Variants in PPP2R2C observed in about 807,000 individuals in gnomAD.
PPP2R2C encodes the protein protein phosphatase 2, regulatory subunit B, gamma.
A neutral mutation model predicts 45.3 loss-of-function variants in PPP2R2C; 10 were observed. The ratio of observed to expected loss-of-function variants is 0.22; its 90% CI spans 0.14 to 0.37. PPP2R2C has a LOEUF of 0.37. Among genes scored for constraint, PPP2R2C ranks in the 10% least tolerant of loss-of-function variants. PPP2R2C has a pLI of 1.00. For synonymous variants in PPP2R2C, 257 were observed against 245.4 expected, an observed-to-expected ratio of 1.05 and a Z score of -0.44; for missense variants, 308 against 619.7, an observed-to-expected ratio of 0.50 and a Z score of 5.34.
chr4:6,515,559 A>G (rs4234754), intron 2 of PPP2R2C, among the ~76,000 whole-genome samples: 143,574 of 152,290 alleles, frequency 0.94, 68,268 homozygotes, highest in East Asian at 1. Flanking sequence ...AAGAGCTGTC[A>G]TGCAGACTAA....
rs752144231 is a variant in PPP2R2C, at chr4:6,329,110, T to C, written c.1052+152A>G. The C allele has an allele frequency of 1.5e-6, 1 of 672,736 alleles. No individual in the cohort carries two copies. Among genetic ancestry groups the C allele is most frequent in the Non-Finnish European group, 2.6e-6 (1 of 383,844 alleles). The allele number at this position is 672,736 out of a possible 1,614,324, so 41.7% of individuals were successfully genotyped here. On this transcript the variant is annotated intron_variant, in intron 8 of 8. Transcript: ENST00000382599. The surrounding 1 kb of genome is among the most constrained non-coding windows in gnomAD (Gnocchi z 5.8). ...GAATCTGAGCGCTGAGAGTTGGACC[T>C]GCTCTGGAAAGCGTGGGCTTCACCC...
rs780708220 is a variant in PPP2R2C, at chr4:6,382,438, C to T, written c.71-1344G>A. On this transcript the variant is annotated intron_variant, in intron 1 of 8. Transcript: ENST00000382599. ...GTCCCAGCCTCTGTTCTCCCTCTGG[C>T]GGCCAACGTGATGACCAAACTCCTG... 2.1e-5 allele frequency: 29 copies of T among 1,351,922 alleles called. No individual in the cohort carries two copies. The East Asian group carries it at 2.7e-4, about 13-fold the overall frequency. The allele number at this position is 1,351,922 out of a possible 1,614,324, so 83.7% of individuals were successfully genotyped here. A position where few individuals can be genotyped will look rare whatever the true frequency, so the allele number is the denominator to read the frequency against.
Position 6,345,601 on chromosome 4 carries a change from A to G in PPP2R2C, c.790+2245T>C, listed in dbSNP as rs1303836491. ...GGGCTGGGAGGATGGGGGAGGGGCC[A>G]CGTGCCAGGGAACGCAGCGCCTCTA... On this transcript the variant is annotated intron_variant, in intron 6 of 8. Coordinates refer to ENST00000382599, the MANE Select transcript of PPP2R2C (RefSeq NM_020416.4). This position sits in a 1 kb window ranked among gnomAD's most constrained non-coding sequence, Gnocchi z 5.3. Among the ~76,000 whole-genome samples the G allele has an allele frequency of 1.3e-5, 2 of 152,132 alleles. No individual in the cohort carries two copies. Among genetic ancestry groups the G allele is most frequent in the African/African-American group, 2.4e-5 (1 of 41,438 alleles).
At chr4:6,446,656 C>T (rs1720434800) in intron 1 of PPP2R2C, among the ~76,000 whole-genome samples, 1 of 152,060 alleles carries the variant, frequency 6.6e-6, no homozygotes, top group African/African-American at 2.4e-5. Context: ...CTCCGAGTTC[C>T]CTGCCTCCAA....
rs1391971630 is a variant in PPP2R2C at position 6,330,787 on chromosome 4, G to A, written c.961-1434C>T. On this transcript the variant is annotated intron_variant, in intron 7 of 8. Coordinates refer to ENST00000382599, the MANE Select transcript of PPP2R2C (RefSeq NM_020416.4). The surrounding 1 kb of genome is among the most constrained non-coding windows in gnomAD (Gnocchi z 7.0). ...GAGTGGCACTAGGGGAAGCAGGATT[G>A]GGAGGAAGGGCCTGCTATTCACTGC... Among the ~76,000 whole-genome samples the A allele has an allele frequency of 6.6e-6, 1 of 152,150 alleles. No homozygotes were observed. The highest frequency in any genetic ancestry group is 1.5e-5 in the Non-Finnish European group (1 of 68,020).
At chr4:6,346,150 C>T (rs933771125) in intron 6 of PPP2R2C, among the ~76,000 whole-genome samples, 4 of 152,248 alleles carry the variant, frequency 2.6e-5, no homozygotes, top group African/African-American at 9.6e-5. Context: ...AGTGGGGTCA[C>T]CATTTCTTCC....
chr4:6,482,479 T>A (rs1262541005), intron 2 of PPP2R2C, among the ~76,000 whole-genome samples: 4 of 152,232 alleles, frequency 2.6e-5, no homozygotes, highest in African/African-American at 9.6e-5. Context: ...AGATTTTCTC[T>A]TAAGCGTCTT....
chr4:6,472,410 C>G lies in PPP2R2C; in HGVS notation c.-181G>C. ...CGGGGGCGGCCGGGGGCGGGCGCCGCGGTCAAGCGAGCGCGCGGTGGGCGG... is the reference window on the plus strand; with the variant it reads ...CGGGGGCGGCCGGGGGCGGGCGCCGGGGTCAAGCGAGCGCGCGGTGGGCGG... On this transcript the variant is annotated 5_prime_UTR_variant, in exon 1 of 9. Coordinates refer to ENST00000382599, the MANE Select transcript of PPP2R2C (RefSeq NM_020416.4). 1.3e-6 allele frequency: 1 copy of G among 756,594 alleles called. No individual in the cohort carries two copies. The highest frequency in any genetic ancestry group is 1.6e-6 in the Non-Finnish European group (1 of 623,870). The allele number at this position is 756,594 out of a possible 1,614,324, so 46.9% of individuals were successfully genotyped here. A position where few individuals can be genotyped will look rare whatever the true frequency, so the allele number is the denominator to read the frequency against.
intron 1 of PPP2R2C, chr4:6,384,449 C>A (rs911499365): frequency 9.1e-6 from 9 of 984,070 alleles, no homozygotes; most frequent in Non-Finnish European, 3.6e-6. Context: ...TTCAACTTGT[C>A]CATATTTTCT....
intron 2 of PPP2R2C, among the ~76,000 whole-genome samples, chr4:6,506,472 C>T (rs1385241039): frequency 1.3e-5 from 2 of 152,198 alleles, no homozygotes; most frequent in Admixed American, 1.3e-4. Flanking sequence ...GGAAACAGGA[C>T]ACAGCCACAA....
At chr4:6,416,863 T>A (rs12501177) in intron 1 of PPP2R2C, among the ~76,000 whole-genome samples, 36,752 of 151,948 alleles carry the variant, frequency 0.24, 4,783 homozygotes, top group Admixed American at 0.37. Flanking sequence ...GCTCCTGGCC[T>A]CTCTCCCTTC....
At chr4:6,336,943 C>A (rs1359749737) in intron 6 of PPP2R2C, among the ~76,000 whole-genome samples, 1 of 88,554 alleles carries the variant, frequency 1.1e-5, no homozygotes, top group African/African-American at 3.8e-5. Context: ...AGCCCTCCAA[C>A]CCCTCCCTGC....
chr4:6,392,746 G>C (rs1055982680), intron 1 of PPP2R2C, among the ~76,000 whole-genome samples: 1 of 152,180 alleles, frequency 6.6e-6, no homozygotes, highest in African/African-American at 2.4e-5. Context: ...GGAAGCCACG[G>C]TCTGACTTAG....
intron 6 of PPP2R2C, among the ~76,000 whole-genome samples, chr4:6,343,139 CA>C (rs1194528458): frequency 6.6e-6 from 1 of 152,162 alleles, no homozygotes; most frequent in Non-Finnish European, 1.5e-5. Flanking sequence ...AAACAGCCGC[CA>C]CCTGCTAATT....
chr4:6,370,535 A>G (rs995271081), intron 5 of PPP2R2C, among the ~76,000 whole-genome samples: 15 of 152,142 alleles, frequency 9.9e-5, no homozygotes, highest in African/African-American at 2.9e-4. Context: ...TTCACCCCCA[A>G]TTAGAGCCCA....
intron 5 of PPP2R2C, among the ~76,000 whole-genome samples, chr4:6,354,329 A>T (rs1176044128): frequency 2.0e-5 from 3 of 151,982 alleles, no homozygotes; most frequent in Admixed American, 6.5e-5. Flanking sequence ...AGCCATATCC[A>T]GCAGTTCGAA....
intron 5 of PPP2R2C, among the ~76,000 whole-genome samples, chr4:6,356,362 C>A (rs1446278922): frequency 6.6e-6 from 1 of 152,204 alleles, no homozygotes; most frequent in African/African-American, 2.4e-5. Context: ...ACATTGGAAA[C>A]AGAGGCTCGG....
intron 1 of PPP2R2C, among the ~76,000 whole-genome samples, chr4:6,417,475 T>C (rs1248921175): frequency 6.6e-6 from 1 of 152,134 alleles, no homozygotes; most frequent in Non-Finnish European, 1.5e-5. Flanking sequence ...CCCCCTTGGG[T>C]GGCACCCAGC....
chr4:6,404,832 C>T (rs541537289), intron 1 of PPP2R2C, among the ~76,000 whole-genome samples: 3 of 152,296 alleles, frequency 2.0e-5, no homozygotes, highest in Admixed American at 6.5e-5. Context: ...GCAGAGCAGG[C>T]GAGGGGGCTG....
Sources: allele counts gnomAD v4.1 joint callset (sites outside exome capture counted in the v4.1 genomes callset), GRCh38; gene constraint gnomAD v4.1.1; non-coding constraint Gnocchi (gnomAD v3.1); transcripts MANE v1.5; gene names NCBI Gene and HGNC (gene_info 2026-07-23, HGNC 2026-07-21).